The following MOK variants were observed in gnomAD, a reference collection of about 807,000 sequenced individuals.
MOK encodes MOK protein kinase, also known as MAPK/MAK/MRK overlapping kinase.
In MOK, 59 loss-of-function variants were observed where a neutral mutation model predicts 54.2. The observed-to-expected ratio is 1.09, with a 90% CI of 0.88 to 1.35. The LOEUF (loss-of-function observed/expected upper bound fraction) is 1.35, where lower values mean the gene tolerates loss of function less well. Among genes scored for constraint, MOK ranks in the 40% most tolerant of loss-of-function variants. The pLI is 0.00. For missense variants in MOK, 517 were observed against 526.2 expected (o/e 0.98, Z 0.17); for synonymous variants, 210 against 202.7 (o/e 1.04, Z -0.31).
chr14:102,225,681 G>A (rs79792322), downstream of MOK: 706 of 154,846 alleles, frequency 4.6e-3, 6 homozygotes, highest in African/African-American at 0.016. Context: ...TCAGGAATAA[G>A]TCTTTATTTT....
intron 2 of MOK, chr14:102,278,604 A>G (rs1385383958): frequency 2.2e-6 from 1 of 453,142 alleles, no homozygotes; most frequent in Non-Finnish European, 4.4e-6. Flanking sequence ...ACCTATACAG[A>G]CCTGGGCTCA....
intron 1 of MOK, among the ~76,000 whole-genome samples, chr14:102,286,192 G>A (rs916707072): frequency 3.3e-5 from 5 of 151,120 alleles, no homozygotes; most frequent in Admixed American, 1.3e-4. Flanking sequence ...CCAGCTACTC[G>A]GGAGGCTGAG....
At chr14:102,293,701 C>CAAAAAAAAAAAAA (rs10598736) in intron 1 of MOK, among the ~76,000 whole-genome samples, 14 of 54,598 alleles carry the variant, frequency 2.6e-4, no homozygotes, top group Admixed American at 8.4e-4. Context: ...AACTCCATCA[C>CAAAAAAAAAAAAA]AAAAAAAAAA....
chr14:102,246,240 T>A (rs2066082368), intron 7 of MOK: 1 of 152,124 alleles, frequency 6.6e-6, no homozygotes, highest in African/African-American at 2.4e-5. Context: ...TTCACTCTCT[T>A]CCTTCACGCC....
chr14:102,266,516 C>G (rs932791070), intron 2 of MOK, among the ~76,000 whole-genome samples: 1 of 152,094 alleles, frequency 6.6e-6, no homozygotes, highest in African/African-American at 2.4e-5. Context: ...ACCCAAAGTA[C>G]TGTGATTACA....
chr14:102,286,264 A>C (rs2070066822), intron 1 of MOK, among the ~76,000 whole-genome samples: 1 of 133,542 alleles, frequency 7.5e-6, no homozygotes, highest in Non-Finnish European at 1.5e-5. Flanking sequence ...GCGCCACTGC[A>C]CTCCAGCCTG....
intron 4 of MOK, among the ~76,000 whole-genome samples, chr14:102,253,012 C>T (rs986991407): frequency 1.3e-5 from 2 of 152,182 alleles, no homozygotes; most frequent in African/African-American, 2.4e-5. Context: ...TTGGAAGCCC[C>T]GGGCGAGTCA....
rs1465842194 is a variant in MOK, at chr14:102,240,273, T to C, written c.591-6484A>G. On this transcript the variant is annotated intron_variant, in intron 7 of 11. Transcript: ENST00000361847. This position sits in a 1 kb window ranked among gnomAD's most constrained non-coding sequence, Gnocchi z 5.4. ...CACCCAGGTGAAATAAACAGCCTTG[T>C]TGCTCACACAAAGCCCGTTTGGTGG... Among the ~76,000 whole-genome samples, 1 of 152,220 alleles carries C rather than the reference T, an allele frequency of 6.6e-6. No homozygotes were observed. The highest frequency in any genetic ancestry group is 1.5e-5 in the Non-Finnish European group (1 of 68,030).
At chr14:102,272,400 G>A (rs998303819) in intron 2 of MOK, among the ~76,000 whole-genome samples, 1 of 151,750 alleles carries the variant, frequency 6.6e-6, no homozygotes, top group Non-Finnish European at 1.5e-5. Context: ...AAGCAGAATT[G>A]CTTGAGGCGG....
intron 7 of MOK, chr14:102,247,590 C>T (rs2066186277): frequency 6.6e-6 from 1 of 152,238 alleles, no homozygotes. Flanking sequence ...ACCAATCCCT[C>T]TCCAAAGACC....
At chr14:102,229,911 G>T in intron 10 of MOK, 1 of 467,608 alleles carries the variant, frequency 2.1e-6, no homozygotes, top group Non-Finnish European at 3.8e-6. Flanking sequence ...GGGCGGCAAA[G>T]GGCTCGCGGG....
intron 4 of MOK, 112 bp from the exon 5 acceptor site, chr14:102,252,107 G>A (rs1338812708): frequency 2.9e-6 from 2 of 686,624 alleles, no homozygotes; most frequent in Non-Finnish European, 4.9e-6. Flanking sequence ...AAGTTCCCCT[G>A]TAAAAAATAA....
At chr14:102,222,779 T>C (rs1567111439), downstream of MOK, 1 of 1,609,704 alleles carries the variant, frequency 6.2e-7, no homozygotes, top group Non-Finnish European at 8.5e-7. The surrounding 1 kb of genome is among the most constrained non-coding windows in gnomAD (Gnocchi z 4.4). Context: ...GCATGGTGGC[T>C]GTTGCCCGTC....
intron 1 of MOK, among the ~76,000 whole-genome samples, chr14:102,293,039 A>G (rs536089425): frequency 6.6e-6 from 1 of 152,332 alleles, no homozygotes; most frequent in African/African-American, 2.4e-5. Flanking sequence ...AGGCTGAGGC[A>G]TAAGAATCGC....
chr14:102,293,446 C>T (rs1304909563), intron 1 of MOK, among the ~76,000 whole-genome samples: 1 of 152,092 alleles, frequency 6.6e-6, no homozygotes, highest in Non-Finnish European at 1.5e-5. Flanking sequence ...CGCCTGTAAT[C>T]CCAGCACTTT....
chr14:102,276,924 T>C (rs1215109287), intron 2 of MOK, among the ~76,000 whole-genome samples: 2 of 151,940 alleles, frequency 1.3e-5, no homozygotes, highest in East Asian at 1.9e-4. Flanking sequence ...TCATGGCTCA[T>C]TGCAGCCTCA....
At chr14:102,252,016 G>C (rs1430820735) in intron 4 of MOK, 21 bp from the exon 5 acceptor site, 1 of 1,351,604 alleles carries the variant, frequency 7.4e-7, no homozygotes, top group East Asian at 2.3e-5. Context: ...AAGGAAATAG[G>C]CAAATACGGT....
rs1453833654 is a variant in MOK at position 102,235,346 on chromosome 14, C to T, written c.591-1557G>A. 6.6e-6 allele frequency: 1 copy of T among 152,262 alleles called. No individual in the cohort carries two copies. Among genetic ancestry groups the T allele is most frequent in the African/African-American group, 2.4e-5 (1 of 41,464 alleles). 9.4% of individuals were successfully genotyped at this position (152,262 alleles called of 1,614,324 possible). The stretch of plus-strand genomic sequence containing the variant: ...TACATCAAATAATTTAAATATCTCA[C>T]CCAGTCTTATGAACTTACTTGGCAT... On this transcript the variant is annotated intron_variant, in intron 7 of 11. Coordinates refer to ENST00000361847, the MANE Select transcript of MOK (RefSeq NM_014226.3). This position sits in a 1 kb window ranked among gnomAD's most constrained non-coding sequence, Gnocchi z 4.4.
At chr14:102,227,953 CTCTT>C (rs1217678022), downstream of MOK, among the ~76,000 whole-genome samples, 2 of 152,198 alleles carry the variant, frequency 1.3e-5, no homozygotes, top group East Asian at 1.9e-4. Context: ...TCAAAAATAT[CTCTT>C]TAAGTTTGGG....
Sources: allele counts gnomAD v4.1 joint callset (sites outside exome capture counted in the v4.1 genomes callset), GRCh38; gene constraint gnomAD v4.1.1; non-coding constraint Gnocchi (gnomAD v3.1); transcripts MANE v1.5; gene names NCBI Gene and HGNC (gene_info 2026-07-23, HGNC 2026-07-21).